DENND1A: variants seen among roughly 807,000 people sequenced by gnomAD.
The protein encoded by DENND1A is DENN domain containing 1A.
DENND1A carries 51 observed loss-of-function variants against 113.7 expected under a neutral mutation model. The observed-to-expected ratio is 0.45, with a 90% CI of 0.36 to 0.57. The LOEUF is 0.57. Ranked by LOEUF, DENND1A falls within the 20% of genes least tolerant of loss-of-function variation. DENND1A has a pLI of 0.00. For missense variants in DENND1A, 1,258 were observed against 1,395.9 expected, an observed-to-expected ratio of 0.90 and a Z score of 1.57; for synonymous variants, 565 against 570.8, an observed-to-expected ratio of 0.99 and a Z score of 0.14.
At chr9:123,560,332 T>A (rs921972806) in intron 12 of DENND1A, among the ~76,000 whole-genome samples, 1 of 152,164 alleles carries the variant, frequency 6.6e-6, no homozygotes, top group African/African-American at 2.4e-5. Flanking sequence ...AGGAAAACAA[T>A]CCTTTGCTGT....
intron 13 of DENND1A, among the ~76,000 whole-genome samples, chr9:123,497,078 C>G (rs1462094881): frequency 6.6e-6 from 1 of 152,206 alleles, no homozygotes; most frequent in Non-Finnish European, 1.5e-5. Flanking sequence ...TAACATGAAC[C>G]CAGGCATCCC....
chr9:123,411,809 G>C lies in DENND1A; in HGVS notation c.1509C>G (p.Thr503=), dbSNP rs2044327283. The C allele has an allele frequency of 1.0e-6, 1 of 985,918 alleles. No homozygotes were observed. Among genetic ancestry groups the C allele is most frequent in the African/African-American group, 1.7e-5 (1 of 57,314 alleles). 61.1% of individuals were successfully genotyped at this position (985,918 alleles called of 1,614,324 possible). Residue 503 remains threonine (T), a synonymous_variant, in exon 20 of 24, where the codon ACC becomes ACG. Coordinates refer to ENST00000394215, the MANE Select transcript of DENND1A (RefSeq NM_001352964.2). ...AGCGCTGTATCTTGGGAGGCGGTCGGGTGGGACGCAGTCTCTGCAGCTGCA... is the reference window on the plus strand; with the variant it reads ...AGCGCTGTATCTTGGGAGGCGGTCGCGTGGGACGCAGTCTCTGCAGCTGCA... ...HFGQLQRLRP[T]RPPPKIQRSR... is the part of the protein sequence containing the mutation.
chr9:123,534,851 C>T (rs528885586), intron 13 of DENND1A, among the ~76,000 whole-genome samples: 5 of 152,182 alleles, frequency 3.3e-5, no homozygotes, highest in African/African-American at 1.2e-4. Context: ...GGACGCCAAG[C>T]CTTTTTTGTC....
At chr9:123,892,413 C>T (rs528918715) in intron 1 of DENND1A, among the ~76,000 whole-genome samples, 1 of 152,264 alleles carries the variant, frequency 6.6e-6, no homozygotes, top group South Asian at 2.1e-4. Context: ...CACATTATTT[C>T]AAAGTAACAT....
At chr9:123,510,932 G>T (rs1348194203) in intron 13 of DENND1A, among the ~76,000 whole-genome samples, 2 of 152,200 alleles carry the variant, frequency 1.3e-5, no homozygotes, top group Non-Finnish European at 2.9e-5. Flanking sequence ...TGTTGTAGGG[G>T]AGACTCGAGC....
chr9:123,798,725 CAAAAAAA>C (rs59256751), intron 2 of DENND1A, among the ~76,000 whole-genome samples: 34 of 70,044 alleles, frequency 4.9e-4, no homozygotes, highest in East Asian at 2.6e-3. Flanking sequence ...GTGCTGGAGG[CAAAAAAA>C]AAAAAAAAAA....
chr9:123,442,509 T>C (rs567765352), intron 18 of DENND1A, among the ~76,000 whole-genome samples: 41 of 152,094 alleles, frequency 2.7e-4, no homozygotes, highest in South Asian at 6.2e-4. Flanking sequence ...AAGATAGATA[T>C]GAGAGAATGA....
intron 2 of DENND1A, among the ~76,000 whole-genome samples, chr9:123,814,732 C>T (rs1048879296): frequency 5.3e-5 from 8 of 152,156 alleles, no homozygotes; most frequent in African/African-American, 1.4e-4. Flanking sequence ...AAAAACATTA[C>T]TCTCCAATTC....
intron 2 of DENND1A, among the ~76,000 whole-genome samples, chr9:123,857,275 C>G (rs879788915): frequency 4.6e-5 from 7 of 152,254 alleles, no homozygotes; most frequent in South Asian, 4.2e-4. Flanking sequence ...AACACAAGAG[C>G]CCTTCAAGTT....
chr9:123,621,462 G>A (rs2060961381), intron 10 of DENND1A, among the ~76,000 whole-genome samples: 1 of 152,118 alleles, frequency 6.6e-6, no homozygotes, highest in Admixed American at 6.5e-5. Flanking sequence ...CTGGGATATA[G>A]GTGTGAGCCA....
chr9:123,921,912 CTTTT>C (rs113646800), intron 1 of DENND1A, among the ~76,000 whole-genome samples: 1 of 143,720 alleles, frequency 7.0e-6, no homozygotes, highest in Non-Finnish European at 1.5e-5. Flanking sequence ...CAAAGCCATC[CTTTT>C]TTTTTTTTTT....
At chr9:123,564,894 T>C (rs1264396443) in intron 12 of DENND1A, among the ~76,000 whole-genome samples, 1 of 151,982 alleles carries the variant, frequency 6.6e-6, no homozygotes, top group African/African-American at 2.4e-5. Flanking sequence ...TCCCCTATTA[T>C]ACATTCTCAC....
At chr9:123,612,605 C>A (rs549181144) in intron 10 of DENND1A, among the ~76,000 whole-genome samples, 1 of 152,294 alleles carries the variant, frequency 6.6e-6, no homozygotes, top group East Asian at 1.9e-4. Context: ...TTAAAGACTG[C>A]ATAATATTCC....
At chr9:123,868,766 G>T (rs1165065434) in intron 2 of DENND1A, among the ~76,000 whole-genome samples, 1 of 152,150 alleles carries the variant, frequency 6.6e-6, no homozygotes, top group African/African-American at 2.4e-5. Context: ...CCTAAATTGC[G>T]CACTTTAGGA....
At chr9:123,745,538 G>T (rs529775551) in intron 5 of DENND1A, among the ~76,000 whole-genome samples, 2 of 152,344 alleles carry the variant, frequency 1.3e-5, no homozygotes, top group Non-Finnish European at 2.9e-5. Flanking sequence ...CAATAAAGTT[G>T]ATTGAGCTTA....
intron 13 of DENND1A, among the ~76,000 whole-genome samples, chr9:123,544,576 T>C (rs2056521312): frequency 6.6e-6 from 1 of 152,156 alleles, no homozygotes; most frequent in South Asian, 2.1e-4. Context: ...GAGGGGCCAA[T>C]CCTGTCTCTG....
intron 7 of DENND1A, among the ~76,000 whole-genome samples, chr9:123,667,566 G>A (rs1457936498): frequency 3.3e-5 from 5 of 152,164 alleles, no homozygotes; most frequent in African/African-American, 1.2e-4. Flanking sequence ...GCAGTGAGCT[G>A]AGATTGTGCC....
intron 12 of DENND1A, among the ~76,000 whole-genome samples, chr9:123,559,813 T>C (rs955243464): frequency 8.5e-5 from 13 of 152,188 alleles, no homozygotes; most frequent in African/African-American, 2.9e-4. Context: ...TCATACTCAT[T>C]AGCTGTCACT....
intron 11 of DENND1A, among the ~76,000 whole-genome samples, chr9:123,588,414 T>C (rs1451606144): frequency 6.8e-6 from 1 of 146,396 alleles, no homozygotes; most frequent in Non-Finnish European, 1.5e-5. Context: ...AGGTCAGGAG[T>C]TCAAGACCAG....
Sources: gnomAD v4.1 joint callset for allele counts (sites outside exome capture counted in the v4.1 genomes callset) on GRCh38, gnomAD v4.1.1 for gene constraint, MANE v1.5 for transcripts, NCBI Gene and HGNC (gene_info 2026-07-23, HGNC 2026-07-21) for gene names.